MAP3K19: variants seen among roughly 807,000 people sequenced by gnomAD.
MAP3K19 encodes the protein mitogen-activated protein kinase kinase kinase 19, also known as SPS1/STE20-related protein kinase YSK4.
In MAP3K19, 91 loss-of-function variants were observed where a neutral mutation model predicts 114.4. That is an observed-to-expected ratio of 0.80 (90% CI 0.67 to 0.95). The LOEUF (loss-of-function observed/expected upper bound fraction) is 0.95, where lower values mean the gene tolerates loss of function less well. Among genes scored for constraint, MAP3K19 ranks in the 40% least tolerant of loss-of-function variants. MAP3K19 has a pLI of 0.00. For synonymous variants in MAP3K19, 518 were observed against 530.5 expected (o/e 0.98, Z 0.32); for missense variants, 1,471 against 1,573.2 (o/e 0.94, Z 1.10).
At chr2:135,021,855 G>T (rs1403769068) in intron 4 of MAP3K19, 25 bp from the exon 5 acceptor site, 14 of 1,396,004 alleles carry the variant, frequency 1.0e-5, no homozygotes, top group Non-Finnish European at 1.4e-5. Flanking sequence ...ATAATAGTAT[G>T]TTTTGATAAG....
At chr2:135,023,766 C>G (rs934195531) in intron 4 of MAP3K19, 2 of 330,432 alleles carry the variant, frequency 6.1e-6, no homozygotes, top group African/African-American at 4.3e-5. Context: ...CATATGGGCA[C>G]TTCTATAATT....
chr2:135,029,677 A>T (rs1688336505), intron 3 of MAP3K19, among the ~76,000 whole-genome samples: 1 of 152,202 alleles, frequency 6.6e-6, no homozygotes, highest in Non-Finnish European at 1.5e-5. Context: ...TTTCAGTTGG[A>T]AGGTCACATG....
intron 5 of MAP3K19, among the ~76,000 whole-genome samples, chr2:135,010,778 C>A (rs1002329690): frequency 7.9e-5 from 12 of 152,096 alleles, no homozygotes; most frequent in African/African-American, 2.9e-4. Flanking sequence ...TACAGAGGCA[C>A]GCCCCCATAA....
intron 8 of MAP3K19, 115 bp downstream of exon 8, chr2:134,998,623 G>C: frequency 9.0e-7 from 1 of 1,116,550 alleles, no homozygotes; most frequent in Admixed American, 2.7e-5. Context: ...AAGGGCTGGG[G>C]TTATTTTCTG....
At chr2:134,989,572 T>G (rs1685412751) in intron 9 of MAP3K19, among the ~76,000 whole-genome samples, 1 of 152,194 alleles carries the variant, frequency 6.6e-6, no homozygotes, top group African/African-American at 2.4e-5. Context: ...CATTACAATT[T>G]TTTAGGTCAA....
chr2:135,042,759 T>G (rs181039661), intron 1 of MAP3K19, among the ~76,000 whole-genome samples: 4 of 151,674 alleles, frequency 2.6e-5, no homozygotes, highest in South Asian at 4.2e-4. Flanking sequence ...GTAAGATTAT[T>G]ATGATGCAGA....
chr2:134,984,052 T>A (rs966726367), intron 10 of MAP3K19, among the ~76,000 whole-genome samples: 1 of 152,208 alleles, frequency 6.6e-6, no homozygotes, highest in Non-Finnish European at 1.5e-5. Flanking sequence ...GCTCTGCATA[T>A]TTTATAGGAG....
intron 12 of MAP3K19, among the ~76,000 whole-genome samples, chr2:134,967,846 CTTCTT>C (rs896689741): frequency 1.3e-5 from 2 of 151,296 alleles, no homozygotes; most frequent in African/African-American, 4.9e-5. Context: ...GTCTCTGTGT[CTTCTT>C]TCTTTCTTTT....
At chr2:135,038,131 C>T (rs978504593) in intron 2 of MAP3K19, among the ~76,000 whole-genome samples, 1 of 151,938 alleles carries the variant, frequency 6.6e-6, no homozygotes, top group Non-Finnish European at 1.5e-5. Context: ...GCAGAAGGCA[C>T]TTATCTAAGC....
chr2:135,032,584 T>G (rs1320875742), intron 2 of MAP3K19, among the ~76,000 whole-genome samples: 2 of 117,696 alleles, frequency 1.7e-5, no homozygotes, highest in African/African-American at 1.1e-4. Context: ...ATGTTGTTTG[T>G]TTTTTTTTTA....
chr2:134,987,796 G>C lies in MAP3K19; in HGVS notation c.1076C>G (p.Pro359Arg), dbSNP rs1197310696. 6.2e-7 allele frequency: 1 copy of C among 1,607,412 alleles called. No homozygotes were observed. The highest frequency in any genetic ancestry group is 8.5e-7 in the Non-Finnish European group (1 of 1,179,982). The change falls in exon 10 of 13, where the codon CCT becomes CGT. Residue 359 changes from proline (P) to arginine (R), a missense_variant. Physicochemically the swap from Pro to Arg is moderately radical, Grantham distance 103 (BLOSUM62 -2). Transcript: ENST00000392915. ...AAGATATTGAGAGTTCTCTTCTTCA[G>C]GTTTTCGCGTTTTACTACCATGGCA... ...IDCHGSKTRK[P>R]EEENSQYLSS... is the part of the protein sequence containing the mutation.
chr2:134,986,244 T>C lies in MAP3K19; in HGVS notation c.2628A>G (p.Ala876=). The change falls in exon 10 of 13, where the codon GCA becomes GCG. Residue 876 remains alanine, a synonymous_variant. Transcript: ENST00000392915. ...KYVQQEKQNT[A]SLSKVNASRI... ...GGCTGGCATTTACTTTACTAAGAGA[T>C]GCTGTATTCTGCTTTTCTTGCTGTA... is the stretch of plus-strand genomic sequence containing the variant. 6.2e-7 allele frequency: 1 copy of C among 1,614,042 alleles called. No homozygotes were observed. The highest frequency in any genetic ancestry group is 8.5e-7 in the Non-Finnish European group (1 of 1,179,932).
At chr2:134,980,572 A>T in intron 12 of MAP3K19, 1 of 454,136 alleles carries the variant, frequency 2.2e-6, no homozygotes, top group South Asian at 3.2e-5. Flanking sequence ...TTGGGCAAGT[A>T]TTGACAGAAC....
At chr2:134,991,718 A>G in intron 8 of MAP3K19, 138 bp from the exon 9 acceptor site, 1 of 695,386 alleles carries the variant, frequency 1.4e-6, no homozygotes, top group South Asian at 1.7e-5. Flanking sequence ...TCCCCTGTGG[A>G]ATTCACACAG....
chr2:135,016,205 T>G (rs1029134608), intron 5 of MAP3K19, among the ~76,000 whole-genome samples: 7 of 152,220 alleles, frequency 4.6e-5, no homozygotes, highest in Admixed American at 3.3e-4. Context: ...TGCAGTGATC[T>G]GTTCCAATCA....
chr2:135,011,536 C>CA lies in MAP3K19; in HGVS notation c.139-6006dup, dbSNP rs61361416. On this transcript the variant is annotated intron_variant, in intron 5 of 12. Coordinates refer to ENST00000392915, the MANE Select transcript of MAP3K19 (RefSeq NM_025052.5). ...TGGGCGACAGAGCGAGACTCTGTCT[C>CA]AAAAAAAAAAAAAAAAAAGTCTTAA... Among the ~76,000 whole-genome samples, 250 of 79,050 alleles carry CA rather than the reference C, an allele frequency of 3.2e-3. 5 individuals are homozygous for CA. The highest frequency in any genetic ancestry group is 0.012 in the Middle Eastern group (2 of 170). The allele number at this position is 79,050 out of a possible 152,430, so 51.9% of individuals were successfully genotyped here.
At chr2:134,966,991 T>G (rs1683401739) in intron 12 of MAP3K19, among the ~76,000 whole-genome samples, 1 of 152,192 alleles carries the variant, frequency 6.6e-6, no homozygotes, top group Admixed American at 6.5e-5. Flanking sequence ...CTTTCAACAA[T>G]TTCTTTGCTG....
chr2:135,027,972 T>C (rs1688297071), intron 3 of MAP3K19, among the ~76,000 whole-genome samples: 1 of 152,228 alleles, frequency 6.6e-6, no homozygotes, highest in African/African-American at 2.4e-5. Context: ...AAATTGAGGG[T>C]ATCCAGTTGA....
rs775934435 is a variant in MAP3K19, at chr2:134,964,926, G to A, written c.3921-10C>T. The A allele has an allele frequency of 3.1e-6, 5 of 1,608,542 alleles. No homozygotes were observed. Among genetic ancestry groups the A allele is most frequent in the Middle Eastern group, 1.7e-4 (1 of 6,056 alleles). ...TCGCTCATGCTGGTCCCTAAGAAGG[G>A]AAAAACACATTAGAAGCAGCAGCAC... On this transcript the variant is annotated splice_polypyrimidine_tract_variant and intron_variant, in intron 12 of 12. Transcript: ENST00000392915.
Sources: gnomAD v4.1 joint callset for allele counts (sites outside exome capture counted in the v4.1 genomes callset) on GRCh38, gnomAD v4.1.1 for gene constraint, MANE v1.5 for transcripts, NCBI Gene and HGNC (gene_info 2026-07-23, HGNC 2026-07-21) for gene names.